Variants in EYS observed in about 807,000 individuals in gnomAD.
The protein encoded by EYS is protein eyes shut homolog.
A neutral mutation model predicts 282.1 loss-of-function variants in EYS; 250 were observed. That is an observed-to-expected ratio of 0.89 (90% CI 0.80 to 0.98). EYS has a LOEUF of 0.98. Ranked by LOEUF, EYS falls within the 50% of genes least tolerant of loss-of-function variation. EYS has a pLI of 0.00. For synonymous variants in EYS, 1,355 were observed against 1,282.9 expected (o/e 1.06, Z -1.20); for missense variants, 4,016 against 3,709.0 (o/e 1.08, Z -2.15).
chr6:63,802,778 T>C (rs1770813028), intron 37 of EYS, among the ~76,000 whole-genome samples: 1 of 152,210 alleles, frequency 6.6e-6, no homozygotes, highest in Non-Finnish European at 1.5e-5. Context: ...ATTTGTATTT[T>C]TCAGCTGGTC....
At chr6:65,366,271 T>A (rs986397680) in intron 8 of EYS, among the ~76,000 whole-genome samples, 2 of 151,712 alleles carry the variant, frequency 1.3e-5, no homozygotes, top group Non-Finnish European at 2.9e-5. Flanking sequence ...AGTTGACAAA[T>A]GGATCTGCTA....
chr6:65,518,447 G>A (rs1405730061), intron 2 of EYS, among the ~76,000 whole-genome samples: 5 of 152,028 alleles, frequency 3.3e-5, no homozygotes, highest in Admixed American at 2.0e-4. Flanking sequence ...ATATTAAAGC[G>A]TCAAAGGTTT....
At chr6:64,933,862 A>C (rs4710511) in intron 15 of EYS, among the ~76,000 whole-genome samples, 62,119 of 151,804 alleles carry the variant, frequency 0.41, 13,060 homozygotes, top group East Asian at 0.53. Flanking sequence ...AACCATCATT[A>C]TCAGCAAACC....
At position 64,372,130 on chromosome 6, in the gene EYS, G is replaced by GTTTTTTTTTTTTTTTTTTTTTTTTTT. The variant is rs201498090; in HGVS notation, c.6078+16534_6078+16559dup. ...TAGCATCACTGGTCTGTATACTTGT[G>GTTTTTTTTTTTTTTTTTTTTTTTTTT]TTTTTTTTTTTTTTTTTTTTTTTTT... is the stretch of plus-strand genomic sequence containing the variant. On this transcript the variant is annotated intron_variant, in intron 29 of 42. Coordinates refer to ENST00000503581, the MANE Select transcript of EYS (RefSeq NM_001142800.2). Among the ~76,000 whole-genome samples, 24 of 97,716 alleles carry GTTTTTTTTTTTTTTTTTTTTTTTTTT rather than the reference G, an allele frequency of 2.5e-4. 3 individuals carry two copies. Among genetic ancestry groups the GTTTTTTTTTTTTTTTTTTTTTTTTTT allele is most frequent in the African/African-American group, 4.2e-4 (9 of 21,240 alleles). The allele number at this position is 97,716 out of a possible 152,430, so 64.1% of individuals were successfully genotyped here. A position where few individuals can be genotyped will look rare whatever the true frequency, so the allele number is the denominator to read the frequency against.
chr6:64,487,811 G>T (rs1207777713), intron 26 of EYS, among the ~76,000 whole-genome samples: 1 of 150,866 alleles, frequency 6.6e-6, no homozygotes, highest in African/African-American at 2.4e-5. Flanking sequence ...TATTATTTGA[G>T]TATTTACTAT....
chr6:64,454,754 G>T (rs962084549), intron 26 of EYS, among the ~76,000 whole-genome samples: 4 of 152,072 alleles, frequency 2.6e-5, no homozygotes, highest in Non-Finnish European at 5.9e-5. Flanking sequence ...GGTGTGTGTG[G>T]GAATTTTGGA....
chr6:64,690,788 T>C (rs1770353236), intron 22 of EYS, among the ~76,000 whole-genome samples: 2 of 151,838 alleles, frequency 1.3e-5, no homozygotes, highest in South Asian at 4.2e-4. Context: ...ATGAGAACAC[T>C]TGGACAAAGG....
At chr6:63,951,227 C>T (rs143856082) in intron 35 of EYS, among the ~76,000 whole-genome samples, 2,455 of 152,198 alleles carry the variant, frequency 0.016, 64 homozygotes, top group African/African-American at 0.057. Context: ...TGACCTAAAA[C>T]CTAAATGCCT....
intron 22 of EYS, among the ~76,000 whole-genome samples, chr6:64,787,969 A>C (rs999232319): frequency 4.0e-5 from 6 of 151,804 alleles, no homozygotes; most frequent in Non-Finnish European, 7.4e-5. Flanking sequence ...AAATGGGTGA[A>C]TATGCTGCTT....
intron 31 of EYS, 97 bp downstream of exon 31, chr6:64,230,495 A>T: frequency 1.4e-6 from 1 of 737,458 alleles, no homozygotes; most frequent in Non-Finnish European, 2.3e-6. Context: ...TGTTTGTGCT[A>T]GTACCCATCA....
chr6:64,563,586 C>A (rs1765472107), intron 26 of EYS, among the ~76,000 whole-genome samples: 1 of 152,052 alleles, frequency 6.6e-6, no homozygotes, highest in South Asian at 2.1e-4. Context: ...TGTCAAATTG[C>A]ATGTTATATA....
intron 20 of EYS, 68 bp downstream of exon 20, chr6:64,822,583 G>T: frequency 8.1e-7 from 1 of 1,233,220 alleles, no homozygotes; most frequent in Non-Finnish European, 1.1e-6. Context: ...ACTTTCCCTT[G>T]ATGTTAAGTC....
At chr6:64,777,294 A>G (rs1773709630) in intron 22 of EYS, among the ~76,000 whole-genome samples, 1 of 152,158 alleles carries the variant, frequency 6.6e-6, no homozygotes. Flanking sequence ...TATTAACATG[A>G]TTTTAGGTAT....
intron 32 of EYS, among the ~76,000 whole-genome samples, chr6:64,070,349 A>G (rs1457873447): frequency 6.6e-6 from 1 of 152,140 alleles, no homozygotes; most frequent in Non-Finnish European, 1.5e-5. Context: ...TTATTGTATA[A>G]TAAGATATCA....
At position 65,346,936 on chromosome 6, in the gene EYS, A is replaced by G. The variant is rs560988267; in HGVS notation, c.1460-2759T>C. ...ACCTTATCATGTATCTCAGTCCTAG[A>G]TGAGTTCTACATTCATTTCCATATT... On this transcript the variant is annotated intron_variant, in intron 9 of 42. Coordinates refer to ENST00000503581, the MANE Select transcript of EYS (RefSeq NM_001142800.2). Among the ~76,000 whole-genome samples, 135 of 151,984 alleles carry G rather than the reference A, an allele frequency of 8.9e-4. 4 individuals carry two copies. The South Asian group carries it at 0.027, about 31-fold the overall frequency.
At chr6:64,096,738 T>G (rs1243355990) in intron 31 of EYS, among the ~76,000 whole-genome samples, 1 of 152,228 alleles carries the variant, frequency 6.6e-6, no homozygotes, top group African/African-American at 2.4e-5. Context: ...GTCTGAAGCC[T>G]TCTTCTCTCA....
chr6:65,281,506 T>C (rs1768218985), intron 12 of EYS, among the ~76,000 whole-genome samples: 1 of 152,194 alleles, frequency 6.6e-6, no homozygotes, highest in Non-Finnish European at 1.5e-5. Context: ...TATTTTCTTG[T>C]ATTTCAGAAA....
At chr6:65,280,650 T>C (rs547525257) in intron 12 of EYS, among the ~76,000 whole-genome samples, 2 of 152,122 alleles carry the variant, frequency 1.3e-5, no homozygotes, top group Non-Finnish European at 2.9e-5. Context: ...GGGGATATAA[T>C]TTTCACATAC....
At chr6:64,250,519 A>G (rs899234974) in intron 30 of EYS, among the ~76,000 whole-genome samples, 4 of 152,246 alleles carry the variant, frequency 2.6e-5, no homozygotes, top group African/African-American at 9.6e-5. Context: ...TAGAGCCACA[A>G]ATAGCTAAAG....
Sources: allele counts gnomAD v4.1 joint callset (sites outside exome capture counted in the v4.1 genomes callset), GRCh38; gene constraint gnomAD v4.1.1; transcripts MANE v1.5; gene names NCBI Gene and HGNC (gene_info 2026-07-23, HGNC 2026-07-21).